Variants in IQSEC1 observed in about 807,000 individuals in gnomAD.
IQSEC1 encodes IQ motif and SEC7 domain-containing protein 1.
IQSEC1 carries 31 observed loss-of-function variants against 91.0 expected under a neutral mutation model. The ratio of observed to expected loss-of-function variants is 0.34; its 90% CI spans 0.26 to 0.46. The LOEUF (loss-of-function observed/expected upper bound fraction) is 0.46. Ranked by LOEUF, IQSEC1 falls within the 20% of genes least tolerant of loss-of-function variation. IQSEC1 has a pLI of 1.00. For synonymous variants in IQSEC1, 699 were observed against 662.6 expected (o/e 1.05, Z -0.84); for missense variants, 1,388 against 1,575.6 (o/e 0.88, Z 2.02).
At chr3:13,212,564 T>C (rs889872904) in intron 1 of IQSEC1, among the ~76,000 whole-genome samples, 3 of 152,218 alleles carry the variant, frequency 2.0e-5, no homozygotes, top group Admixed American at 1.3e-4. Context: ...GGGTAACACA[T>C]GTCTAACTGC....
intron 2 of IQSEC1, among the ~76,000 whole-genome samples, chr3:13,117,599 A>AC (rs1706357694): frequency 6.9e-6 from 1 of 144,696 alleles, no homozygotes; most frequent in African/African-American, 2.6e-5. Flanking sequence ...AAAAAAAAAA[A>AC]GCCACGGCTG....
intron 2 of IQSEC1, among the ~76,000 whole-genome samples, chr3:13,143,219 C>T (rs146809871): frequency 9.2e-5 from 14 of 152,352 alleles, no homozygotes; most frequent in African/African-American, 3.1e-4. Flanking sequence ...GCACTCAGTG[C>T]ATGCTTGTTG....
At chr3:13,026,388 T>C (rs1369447281) in intron 1 of IQSEC1, among the ~76,000 whole-genome samples, 2 of 152,206 alleles carry the variant, frequency 1.3e-5, no homozygotes, top group Admixed American at 6.5e-5. Context: ...CCATGTTTCC[T>C]ACCAGGACCC....
At chr3:13,247,824 C>G (rs1261067075) in intron 1 of IQSEC1, among the ~76,000 whole-genome samples, 1 of 152,090 alleles carries the variant, frequency 6.6e-6, no homozygotes, top group Non-Finnish European at 1.5e-5. Flanking sequence ...GGCACTGTTC[C>G]CCACTGCACG....
intron 1 of IQSEC1, among the ~76,000 whole-genome samples, chr3:13,038,654 A>G (rs4684900): frequency 0.35 from 53,396 of 151,856 alleles, 10,066 homozygotes; most frequent in East Asian, 0.58. Context: ...TTGAAAGAGT[A>G]TAATTGGATT....
At chr3:13,238,209 C>G (rs1278775439) in intron 1 of IQSEC1, among the ~76,000 whole-genome samples, 1 of 152,214 alleles carries the variant, frequency 6.6e-6, no homozygotes, top group Non-Finnish European at 1.5e-5. Context: ...CGCCCTCCAC[C>G]TGCTTTCCTC....
At chr3:13,272,182 C>G (rs574319118) in intron 1 of IQSEC1, among the ~76,000 whole-genome samples, 16 of 152,264 alleles carry the variant, frequency 1.1e-4, no homozygotes, top group Admixed American at 7.8e-4. Flanking sequence ...TTGCTCATAC[C>G]ACAACCTTCC....
intron 1 of IQSEC1, among the ~76,000 whole-genome samples, chr3:13,018,152 C>T (rs924321404): frequency 6.6e-5 from 10 of 152,354 alleles, no homozygotes; most frequent in African/African-American, 1.2e-4. Context: ...AATGTCCTCG[C>T]GTCAGAGCTG....
At chr3:12,907,933 C>T (rs887891643) in intron 12 of IQSEC1, among the ~76,000 whole-genome samples, 5 of 152,082 alleles carry the variant, frequency 3.3e-5, no homozygotes, top group African/African-American at 4.8e-5. Context: ...GGCAAGGGGG[C>T]GCCAGACAGA....
intron 6 of IQSEC1, 150 bp from the exon 7 acceptor site, chr3:12,915,883 G>T (rs977280547): frequency 3.6e-5 from 33 of 913,552 alleles, no homozygotes; most frequent in Non-Finnish European, 5.0e-5. Context: ...GACATTTTCA[G>T]TCAACACAAA....
At chr3:13,196,236 C>T (rs1474975934) in intron 1 of IQSEC1, among the ~76,000 whole-genome samples, 1 of 152,170 alleles carries the variant, frequency 6.6e-6, no homozygotes, top group Non-Finnish European at 1.5e-5. Context: ...ATGCCAACAT[C>T]GACCGAGACA....
intron 2 of IQSEC1, among the ~76,000 whole-genome samples, chr3:13,094,557 A>T (rs2125144975): frequency 1.3e-5 from 2 of 152,192 alleles, no homozygotes; most frequent in South Asian, 4.2e-4. Context: ...TCTCCTCCTG[A>T]CACCCCCCAC....
intron 2 of IQSEC1, among the ~76,000 whole-genome samples, chr3:13,163,584 G>A (rs1196135875): frequency 6.6e-5 from 10 of 152,154 alleles, no homozygotes; most frequent in Admixed American, 4.6e-4. Context: ...GCCTCTGGCA[G>A]AAAGCCCACT....
intron 2 of IQSEC1, among the ~76,000 whole-genome samples, chr3:13,127,425 AC>A (rs1252433693): frequency 4.0e-4 from 49 of 122,940 alleles, no homozygotes; most frequent in African/African-American, 1.8e-3. Flanking sequence ...AACAACAACA[AC>A]AAAAAAACAA....
intron 1 of IQSEC1, among the ~76,000 whole-genome samples, chr3:13,064,346 G>A (rs1270895243): frequency 1.3e-5 from 2 of 152,146 alleles, no homozygotes; most frequent in Admixed American, 1.3e-4. Flanking sequence ...AAATGAAGCT[G>A]ATGACTCATG....
At chr3:13,021,681 G>A (rs1703404785) in intron 1 of IQSEC1, among the ~76,000 whole-genome samples, 1 of 152,228 alleles carries the variant, frequency 6.6e-6, no homozygotes, top group Non-Finnish European at 1.5e-5. Flanking sequence ...AGGGACGCGT[G>A]TGAGCCCCAT....
intron 1 of IQSEC1, among the ~76,000 whole-genome samples, chr3:13,226,721 G>A (rs575074148): frequency 1.2e-4 from 18 of 152,236 alleles, no homozygotes; most frequent in African/African-American, 3.4e-4. Flanking sequence ...AAAAGTCAAC[G>A]CTTCCTGCAT....
At chr3:13,188,947 T>C (rs190881944) in intron 1 of IQSEC1, among the ~76,000 whole-genome samples, 37 of 152,208 alleles carry the variant, frequency 2.4e-4, no homozygotes, top group Admixed American at 2.4e-3. Flanking sequence ...GTTGGGATTG[T>C]TTCCACTCAC....
intron 1 of IQSEC1, among the ~76,000 whole-genome samples, chr3:13,030,553 G>T (rs1576190473): frequency 1.3e-5 from 2 of 152,330 alleles, no homozygotes; most frequent in South Asian, 2.1e-4. Context: ...GGTGACAGAG[G>T]AATAGCTTAA....
Sources: gnomAD v4.1 joint callset for allele counts (sites outside exome capture counted in the v4.1 genomes callset) on GRCh38, gnomAD v4.1.1 for gene constraint, MANE v1.5 for transcripts, NCBI Gene and HGNC (gene_info 2026-07-23, HGNC 2026-07-21) for gene names.